TARS3: variants seen among roughly 807,000 people sequenced by gnomAD.
TARS3 encodes the protein threonine--tRNA ligase 2, cytoplasmic.
A neutral mutation model predicts 103.5 loss-of-function variants in TARS3; 94 were observed. The ratio of observed to expected loss-of-function variants is 0.91; its 90% CI spans 0.77 to 1.08. The LOEUF (loss-of-function observed/expected upper bound fraction) is 1.08, where lower values mean the gene tolerates loss of function less well. TARS3 is among the 50% of genes least tolerant of loss of function. TARS3 has a pLI of 0.00. For synonymous variants in TARS3, 416 were observed against 355.4 expected (o/e 1.17, Z -1.92); for missense variants, 952 against 995.2 (o/e 0.96, Z 0.58).
chr15:101,666,230 T>C (rs1218317263), intron 15 of TARS3, among the ~76,000 whole-genome samples: 2 of 152,126 alleles, frequency 1.3e-5, no homozygotes, highest in African/African-American at 4.8e-5. Flanking sequence ...ACGCCTGTAA[T>C]CTCAGCACTT....
intron 5 of TARS3, among the ~76,000 whole-genome samples, chr15:101,709,726 G>A (rs1899761818): frequency 6.6e-6 from 1 of 152,166 alleles, no homozygotes; most frequent in Non-Finnish European, 1.5e-5. Context: ...TTCCTTCACT[G>A]CTGAATCACC....
intron 10 of TARS3, among the ~76,000 whole-genome samples, chr15:101,698,634 T>C (rs1183704202): frequency 6.6e-6 from 1 of 152,234 alleles, no homozygotes. Context: ...CATTTTACAA[T>C]GTGAGGGAGA....
chr15:101,689,821 G>A (rs1457542848), intron 10 of TARS3, among the ~76,000 whole-genome samples: 5 of 152,136 alleles, frequency 3.3e-5, no homozygotes, highest in Non-Finnish European at 5.9e-5. Context: ...AATACCCTAG[G>A]AAACTAATGC....
intron 2 of TARS3, among the ~76,000 whole-genome samples, chr15:101,722,361 C>T (rs1434259794): frequency 1.3e-5 from 2 of 151,830 alleles, no homozygotes; most frequent in Admixed American, 1.3e-4. Flanking sequence ...AGTTGTTTGT[C>T]CTGAGTCTGC....
intron 15 of TARS3, among the ~76,000 whole-genome samples, chr15:101,669,238 T>C (rs548645980): frequency 6.6e-6 from 1 of 152,326 alleles, no homozygotes; most frequent in East Asian, 1.9e-4. Context: ...AGTAAAAATT[T>C]TTGAAGTTTT....
chr15:101,710,985 G>A (rs1899836528), intron 5 of TARS3, among the ~76,000 whole-genome samples: 1 of 152,178 alleles, frequency 6.6e-6, no homozygotes, highest in Non-Finnish European at 1.5e-5. Flanking sequence ...AGGGCAGGAG[G>A]TGGACGGGGC....
Position 101,681,299 on chromosome 15 carries a change from C to G in TARS3, c.1650+2776G>C, listed in dbSNP as rs565866660. On this transcript the variant is annotated intron_variant, in intron 12 of 18. Transcript: ENST00000335968. ...GAATTTTAGAATCAGCATGTCAACT[C>G]TTACAGGGAAAAAAGGTCTGCTTGG... 3.9e-5 allele frequency among the ~76,000 whole-genome samples: 6 copies of G among 152,260 alleles called. No individual in the cohort carries two copies. The East Asian group carries it at 1.2e-3, about 29-fold the overall frequency.
chr15:101,696,640 C>T (rs564091027), intron 10 of TARS3, among the ~76,000 whole-genome samples: 1 of 152,224 alleles, frequency 6.6e-6, no homozygotes. Context: ...AGCTCCCCAA[C>T]TGACTGAACA....
intron 7 of TARS3, among the ~76,000 whole-genome samples, chr15:101,704,229 C>T (rs56374037): frequency 0.3 from 46,343 of 152,026 alleles, 9,290 homozygotes; most frequent in Non-Finnish European, 0.45. Flanking sequence ...GTGGCAAACA[C>T]GAAAATGTCA....
Position 101,661,732 on chromosome 15 carries a change from T to C in TARS3, c.2052A>G (p.Ser684=). The change falls in exon 16 of 19, where the codon TCA becomes TCG. Residue 684 remains serine (S), a synonymous_variant. Coordinates refer to ENST00000335968, the MANE Select transcript of TARS3 (RefSeq NM_152334.3). ...CTTACCATTTTCCGCCATAGTTTTC[T>C]GAAAGAATGGCTATCATTCTTTCCA... is the stretch of plus-strand genomic sequence containing the variant. ...GSVERMIAIL[S]ENYGGKWPFW... is the part of the protein sequence containing the mutation. 1 of 1,604,954 alleles carries C rather than the reference T, an allele frequency of 6.2e-7. No homozygotes were observed. The highest frequency in any genetic ancestry group is 1.1e-5 in the South Asian group (1 of 89,758).
chr15:101,708,204 G>A (rs1899666483), intron 6 of TARS3, among the ~76,000 whole-genome samples: 1 of 127,794 alleles, frequency 7.8e-6, no homozygotes, highest in Non-Finnish European at 1.6e-5. Context: ...ATAGTAGTGA[G>A]CCAAGATAGT....
At chr15:101,714,121 TGTG>T (rs1900010555) in intron 4 of TARS3, among the ~76,000 whole-genome samples, 1 of 151,994 alleles carries the variant, frequency 6.6e-6, no homozygotes, top group South Asian at 2.1e-4. Flanking sequence ...ATGTGAAAAA[TGTG>T]GTATTTATTT....
chr15:101,686,455 TTTTGA>T (rs1898479547), intron 10 of TARS3, among the ~76,000 whole-genome samples: 1 of 152,166 alleles, frequency 6.6e-6, no homozygotes, highest in Non-Finnish European at 1.5e-5. Flanking sequence ...CATGTTATAA[TTTTGA>T]TTTATTTAGT....
In TARS3 at chr15:101,724,134, A is replaced by C. The variant is rs1354361254; in HGVS notation, c.254T>G (p.Leu85Arg). The C allele has an allele frequency of 1.4e-6, 2 of 1,438,816 alleles. No homozygotes were observed. Among genetic ancestry groups the C allele is most frequent in the Non-Finnish European group, 1.8e-6 (2 of 1,096,212 alleles). 89.1% of individuals were successfully genotyped at this position (1,438,816 alleles called of 1,614,324 possible). A position where few individuals can be genotyped will look rare whatever the true frequency, so the allele number is the denominator to read the frequency against. ...CGCCGCCTCTAGCTCCGCGCTCTCC[A>C]GCGTGGCCTGGCGGCTCCGCTCCTC... is the stretch of plus-strand genomic sequence containing the variant. ...LAEERSRQATLESAELEAAQE... is the reference protein window; with the variant it reads ...LAEERSRQATRESAELEAAQE... The change falls in exon 1 of 19, where the codon CTG becomes CGG. Residue 85 changes from leucine (L) to arginine (R), a missense_variant. Around this residue, in one of 2 missense-constraint regions of TARS3, gnomAD observed 412 missense variants for 364.2 expected, o/e 1.13. Coordinates refer to ENST00000335968, the MANE Select transcript of TARS3 (RefSeq NM_152334.3).
At position 101,675,636 on chromosome 15, in the gene TARS3, G is replaced by A. The variant is rs1055951057; in HGVS notation, c.1752C>T (p.Phe584=). ...QLNLSTRPEN[F]LGEIEMWNEA... The stretch of plus-strand genomic sequence containing the variant: ...CATTCCACATCTCAATCTCTCCTAG[G>A]AAGTTTTCCGGCCTTGTTGACAGGT... Residue 584 remains phenylalanine, a synonymous_variant, in exon 13 of 19, where the codon TTC becomes TTT. Transcript: ENST00000335968. The A allele has an allele frequency of 8.1e-6, 13 of 1,613,962 alleles. No homozygotes were observed. The highest frequency in any genetic ancestry group is 1.1e-5 in the Non-Finnish European group (13 of 1,180,020).
rs368195009 is a variant in TARS3 at position 101,661,712 on chromosome 15, C to G, written c.2072G>C (p.Trp691Ser). 51 of 1,584,332 alleles carry G rather than the reference C, an allele frequency of 3.2e-5. No individual in the cohort carries two copies. Among genetic ancestry groups the G allele is most frequent in the Non-Finnish European group, 4.3e-5 (50 of 1,158,678 alleles). The change falls in exon 16 of 19, where the codon TGG becomes TCG. Residue 691 changes from tryptophan (W) to serine (S), a missense_variant and splice_region_variant. Transcript: ENST00000335968. Reference protein sequence around the residue: ...AILSENYGGKWPFWLSPRQVM... With the variant: ...AILSENYGGKSPFWLSPRQVM... ...AGTTTTTCTTTTCCATATCACTTAC[C>G]ATTTTCCGCCATAGTTTTCTGAAAG...
At chr15:101,715,139 T>A (rs1403769811) in intron 3 of TARS3, among the ~76,000 whole-genome samples, 176 bp from the exon 4 acceptor site, 2 of 151,534 alleles carry the variant, frequency 1.3e-5, no homozygotes, top group Non-Finnish European at 2.9e-5. Context: ...AAAAGTAATA[T>A]ACATTCACTG....
At chr15:101,656,109 G>A (rs1431427603) in intron 18 of TARS3, 2 of 1,223,992 alleles carry the variant, frequency 1.6e-6, no homozygotes, top group African/African-American at 1.5e-5. Context: ...AAATACTCCT[G>A]GTGAGGGTTG....
At chr15:101,715,149 GTTT>G (rs199577249) in intron 3 of TARS3, among the ~76,000 whole-genome samples, 186 bp from the exon 4 acceptor site, 4 of 139,916 alleles carry the variant, frequency 2.9e-5, no homozygotes, top group African/African-American at 2.6e-5. Context: ...TACATTCACT[GTTT>G]TTTTTTTTTT....
Sources: allele counts gnomAD v4.1 joint callset (sites outside exome capture counted in the v4.1 genomes callset), GRCh38; gene constraint gnomAD v4.1.1; regional missense constraint gnomAD v4.1.1; transcripts MANE v1.5; gene names NCBI Gene and HGNC (gene_info 2026-07-23, HGNC 2026-07-21).